KCNT2: variants seen among roughly 807,000 people sequenced by gnomAD.
KCNT2 encodes potassium sodium-activated channel subfamily T member 2, also known as potassium channel subfamily T member 2.
Under a neutral mutation model 153.8 loss-of-function variants are expected in KCNT2, and 67 were observed. The observed-to-expected ratio is 0.44, with a 90% CI of 0.36 to 0.53. KCNT2 has a LOEUF of 0.53. Ranked by LOEUF, KCNT2 falls within the 20% of genes least tolerant of loss-of-function variation. The probability of loss-of-function intolerance (pLI) is 0.00; values close to 1 mark genes in which losing one functional copy is unlikely to be tolerated. For missense variants in KCNT2, 975 were observed against 1,354.8 expected, an observed-to-expected ratio of 0.72 and a Z score of 4.40; for synonymous variants, 500 against 458.8, an observed-to-expected ratio of 1.09 and a Z score of -1.15.
At chr1:196,481,585 C>A (rs1679025705) in intron 4 of KCNT2, among the ~76,000 whole-genome samples, 1 of 152,126 alleles carries the variant, frequency 6.6e-6, no homozygotes, top group South Asian at 2.1e-4. Context: ...GTTGGTGATT[C>A]TATTCTTCCG....
At chr1:196,359,715 A>C (rs931956122) in intron 14 of KCNT2, among the ~76,000 whole-genome samples, 1 of 152,044 alleles carries the variant, frequency 6.6e-6, no homozygotes, top group Non-Finnish European at 1.5e-5. Context: ...ACACTGAATT[A>C]AGGAGATTAA....
At chr1:196,279,853 A>G (rs1658930279) in intron 25 of KCNT2, among the ~76,000 whole-genome samples, 1 of 152,038 alleles carries the variant, frequency 6.6e-6, no homozygotes. Flanking sequence ...AGCAACAACA[A>G]AAATCTACCC....
At chr1:196,408,067 C>T (rs1475482247) in intron 12 of KCNT2, among the ~76,000 whole-genome samples, 1 of 151,376 alleles carries the variant, frequency 6.6e-6, no homozygotes, top group Non-Finnish European at 1.5e-5. Context: ...TGCCACTTGC[C>T]AATGTTTCTC....
chr1:196,537,897 C>A (rs985207080), intron 1 of KCNT2, among the ~76,000 whole-genome samples: 1 of 152,172 alleles, frequency 6.6e-6, no homozygotes, highest in Non-Finnish European at 1.5e-5. Flanking sequence ...ACGGTGTGAA[C>A]CCAGGTCTGC....
At chr1:196,322,409 CA>C (rs1265566896) in intron 19 of KCNT2, among the ~76,000 whole-genome samples, 1 of 151,140 alleles carries the variant, frequency 6.6e-6, no homozygotes, top group Non-Finnish European at 1.5e-5. Context: ...CGAAACAAAA[CA>C]AAAAAACACA....
intron 1 of KCNT2, among the ~76,000 whole-genome samples, chr1:196,569,850 C>A (rs139414186): frequency 3.9e-5 from 6 of 152,198 alleles, no homozygotes; most frequent in Non-Finnish European, 5.9e-5. Flanking sequence ...ACTAAGATTA[C>A]ATATGCTGCT....
chr1:196,512,648 A>G (rs902338177), intron 1 of KCNT2, among the ~76,000 whole-genome samples: 2 of 152,208 alleles, frequency 1.3e-5, no homozygotes. Flanking sequence ...GCTTGCAATG[A>G]ACATGTTCAG....
At chr1:196,489,799 C>A in intron 3 of KCNT2, 39 bp downstream of exon 3, 2 of 1,078,206 alleles carry the variant, frequency 1.9e-6, no homozygotes, top group South Asian at 2.8e-5. Context: ...TCAAAATAAT[C>A]AAAATAATAT....
intron 20 of KCNT2, chr1:196,317,112 T>C (rs1662804421): frequency 4.0e-6 from 1 of 252,160 alleles, no homozygotes; most frequent in African/African-American, 2.3e-5. Context: ...GGAATTATTT[T>C]CCTTTTATGG....
At chr1:196,240,055 C>T (rs2102252123) in intron 26 of KCNT2, among the ~76,000 whole-genome samples, 1 of 152,144 alleles carries the variant, frequency 6.6e-6, no homozygotes. Context: ...AAATAAACTT[C>T]TAGTGTTTAA....
chr1:196,270,629 C>T (rs1657977042), intron 25 of KCNT2, among the ~76,000 whole-genome samples: 1 of 151,962 alleles, frequency 6.6e-6, no homozygotes, highest in African/African-American at 2.4e-5. Flanking sequence ...GTTTCATTGC[C>T]AGCTCTGTTA....
intron 14 of KCNT2, among the ~76,000 whole-genome samples, chr1:196,360,135 C>T (rs1386133379): frequency 6.6e-6 from 1 of 151,898 alleles, no homozygotes; most frequent in African/African-American, 2.4e-5. Context: ...AAATAAAATG[C>T]CTTTCCATAT....
intron 21 of KCNT2, among the ~76,000 whole-genome samples, chr1:196,306,825 G>A (rs1156619152): frequency 1.3e-5 from 2 of 151,438 alleles, no homozygotes; most frequent in Non-Finnish European, 2.9e-5. Flanking sequence ...ACCTAATCAA[G>A]GCCTTTGAGA....
At chr1:196,557,501 C>A (rs1321008761) in intron 1 of KCNT2, among the ~76,000 whole-genome samples, 2 of 150,874 alleles carry the variant, frequency 1.3e-5, no homozygotes, top group East Asian at 3.9e-4. Context: ...GTCAAGATGT[C>A]ATTTTTCATG....
chr1:196,261,160 T>G (rs1263580229), intron 25 of KCNT2, among the ~76,000 whole-genome samples: 2 of 151,862 alleles, frequency 1.3e-5, no homozygotes, highest in African/African-American at 4.8e-5. Flanking sequence ...GTGGAAATAG[T>G]ATAGTGCTGG....
intron 12 of KCNT2, among the ~76,000 whole-genome samples, chr1:196,404,991 C>A (rs1202735139): frequency 2.0e-5 from 3 of 151,456 alleles, no homozygotes; most frequent in Non-Finnish European, 4.4e-5. Flanking sequence ...TTGTTTTATT[C>A]ATATTTTATG....
At chr1:196,342,251 TAC>T (rs747016187) in intron 14 of KCNT2, 23 bp from the exon 15 acceptor site, 26 of 1,584,028 alleles carry the variant, frequency 1.6e-5, no homozygotes, top group South Asian at 2.3e-5. Context: ...CACACACACA[TAC>T]ACACACACAA....
At chr1:196,596,937 C>T (rs1245737532) in intron 1 of KCNT2, among the ~76,000 whole-genome samples, 2 of 152,096 alleles carry the variant, frequency 1.3e-5, no homozygotes, top group Non-Finnish European at 2.9e-5. Flanking sequence ...TGGGCTCAAG[C>T]AATCTGCCTG....
intron 3 of KCNT2, among the ~76,000 whole-genome samples, chr1:196,486,220 A>G (rs1215861934): frequency 4.6e-5 from 7 of 151,972 alleles, no homozygotes; most frequent in African/African-American, 1.7e-4. Flanking sequence ...TTGTGATCTC[A>G]GATAATTTTT....
Sources: gnomAD v4.1 joint callset for allele counts (sites outside exome capture counted in the v4.1 genomes callset) on GRCh38, gnomAD v4.1.1 for gene constraint, MANE v1.5 for transcripts, NCBI Gene and HGNC (gene_info 2026-07-23, HGNC 2026-07-21) for gene names.